Variants in DCC observed in about 807,000 individuals in gnomAD.
DCC encodes the protein netrin receptor DCC.
DCC carries 58 observed loss-of-function variants against 172.5 expected under a neutral mutation model. The observed-to-expected ratio is 0.34, with a 90% confidence interval of 0.27 to 0.42. DCC has a LOEUF of 0.42. Ranked by LOEUF, DCC falls within the 10% of genes least tolerant of loss-of-function variation. DCC has a pLI of 1.00. For synonymous variants in DCC, 709 were observed against 644.5 expected (o/e 1.10, Z -1.52); for missense variants, 1,740 against 1,791.0 (o/e 0.97, Z 0.51).
At chr18:52,550,087 A>G (rs1239876851) in intron 1 of DCC, among the ~76,000 whole-genome samples, 1 of 152,044 alleles carries the variant, frequency 6.6e-6, no homozygotes, top group Non-Finnish European at 1.5e-5. Context: ...GATAGTATGT[A>G]CCCTTTGTAG....
chr18:53,182,210 G>A (rs934395873), intron 9 of DCC, among the ~76,000 whole-genome samples: 2 of 152,188 alleles, frequency 1.3e-5, no homozygotes, highest in African/African-American at 4.8e-5. Flanking sequence ...TGAAAATGAA[G>A]AATCTCTCTG....
At chr18:52,404,524 C>G (rs1207842077) in intron 1 of DCC, among the ~76,000 whole-genome samples, 1 of 149,616 alleles carries the variant, frequency 6.7e-6, no homozygotes, top group African/African-American at 2.6e-5. Context: ...AGAAATCTTT[C>G]CAAGGACACA....
chr18:52,515,376 G>A (rs2031591608), intron 1 of DCC, among the ~76,000 whole-genome samples: 1 of 151,852 alleles, frequency 6.6e-6, no homozygotes, highest in Non-Finnish European at 1.5e-5. Context: ...GGGAGGCCCA[G>A]GCGGGTGGAT....
At chr18:52,637,766 TCCCCAG>T (rs2144893018) in intron 1 of DCC, among the ~76,000 whole-genome samples, 1 of 152,172 alleles carries the variant, frequency 6.6e-6, no homozygotes, top group African/African-American at 2.4e-5. Flanking sequence ...GAGGAAAACT[TCCCCAG>T]CCTTGCTAGA....
intron 1 of DCC, among the ~76,000 whole-genome samples, chr18:52,521,901 A>G (rs1217177542): frequency 6.6e-6 from 1 of 152,156 alleles, no homozygotes; most frequent in Non-Finnish European, 1.5e-5. Flanking sequence ...ATGGCACTCA[A>G]TAAATATTTG....
At chr18:53,307,070 C>T (rs1012499140) in intron 13 of DCC, among the ~76,000 whole-genome samples, 1 of 152,228 alleles carries the variant, frequency 6.6e-6, no homozygotes, top group Non-Finnish European at 1.5e-5. Flanking sequence ...AGCCTACACT[C>T]AGAGACTTGA....
intron 5 of DCC, among the ~76,000 whole-genome samples, chr18:53,041,467 C>G (rs1346970276): frequency 1.3e-5 from 2 of 151,954 alleles, no homozygotes; most frequent in African/African-American, 2.4e-5. Context: ...CAGCTTTGTT[C>G]TTTTTTCTTA....
At chr18:52,911,337 A>G (rs556389836) in intron 3 of DCC, among the ~76,000 whole-genome samples, 3 of 152,186 alleles carry the variant, frequency 2.0e-5, no homozygotes, top group South Asian at 4.1e-4. Flanking sequence ...TGCATAGATT[A>G]TTACTTTTAT....
chr18:52,855,434 C>T (rs1319325660), intron 2 of DCC, among the ~76,000 whole-genome samples: 1 of 152,142 alleles, frequency 6.6e-6, no homozygotes, highest in East Asian at 1.9e-4. Context: ...TTTTAAAATG[C>T]TGTTTTAATT....
intron 12 of DCC, among the ~76,000 whole-genome samples, chr18:53,230,471 T>C (rs933936613): frequency 3.9e-5 from 6 of 152,042 alleles, no homozygotes; most frequent in African/African-American, 1.4e-4. Flanking sequence ...ATAATGTGTA[T>C]AGTCTTGTGT....
chr18:53,130,516 A>C (rs1212644347), intron 7 of DCC, among the ~76,000 whole-genome samples: 1 of 152,094 alleles, frequency 6.6e-6, no homozygotes, highest in African/African-American at 2.4e-5. Context: ...TTTTAAGGTT[A>C]AGTTCTCCCC....
At chr18:52,472,870 G>A (rs371913427) in intron 1 of DCC, among the ~76,000 whole-genome samples, 2 of 152,134 alleles carry the variant, frequency 1.3e-5, no homozygotes, top group East Asian at 1.9e-4. Context: ...TTGTGCCACT[G>A]TACTCCAGCC....
At chr18:53,431,843 AAAAT>A (rs1911640500) in intron 21 of DCC, among the ~76,000 whole-genome samples, 1 of 152,162 alleles carries the variant, frequency 6.6e-6, no homozygotes, top group Admixed American at 6.5e-5. Flanking sequence ...TAAAAAGGAA[AAAAT>A]AAACTACTGA....
rs774643012 is a variant in DCC, at chr18:52,752,121, G to A, written c.159G>A (p.Arg53=). 1.9e-6 allele frequency: 3 copies of A among 1,614,062 alleles called. No individual in the cohort carries two copies. The highest frequency in any genetic ancestry group is 1.1e-5 in the South Asian group (1 of 91,082). ...AACCTTCTGATGCCGTCACAATGCG[G>A]GGAGGAAATGTCCTCCTCGACTGCT... ...LSEPSDAVTM[R]GGNVLLDCSA... The change falls in exon 2 of 29, where the codon CGG becomes CGA. Residue 53 remains arginine, a synonymous_variant. Transcript: ENST00000442544.
intron 1 of DCC, among the ~76,000 whole-genome samples, chr18:52,375,127 A>G (rs970151424): frequency 2.6e-5 from 4 of 152,100 alleles, no homozygotes; most frequent in Non-Finnish European, 5.9e-5. Context: ...ATGTGTTAGG[A>G]CTCTTATTAA....
intron 7 of DCC, among the ~76,000 whole-genome samples, chr18:53,151,672 T>C (rs931692722): frequency 1.3e-5 from 2 of 152,100 alleles, no homozygotes; most frequent in Admixed American, 1.3e-4. Flanking sequence ...TTTAATGAGA[T>C]TTTATGGAGT....
chr18:52,702,500 T>C (rs11875876), intron 1 of DCC, among the ~76,000 whole-genome samples: 54,867 of 152,062 alleles, frequency 0.36, 11,108 homozygotes, highest in Non-Finnish European at 0.46. Context: ...TTATGCCTTT[T>C]TCTTGACATG....
chr18:52,662,986 CA>C (rs1273603309), intron 1 of DCC, among the ~76,000 whole-genome samples: 2 of 152,074 alleles, frequency 1.3e-5, no homozygotes, highest in Non-Finnish European at 2.9e-5. Flanking sequence ...ACTAGGATTT[CA>C]AAATATGAAT....
intron 1 of DCC, among the ~76,000 whole-genome samples, chr18:52,469,118 C>T (rs768589829): frequency 1.1e-4 from 16 of 152,076 alleles, no homozygotes; most frequent in South Asian, 2.1e-4. Context: ...AGTGCAGTGG[C>T]GCGATCTCAG....
Sources: gnomAD v4.1 joint callset for allele counts (sites outside exome capture counted in the v4.1 genomes callset) on GRCh38, gnomAD v4.1.1 for gene constraint, MANE v1.5 for transcripts, NCBI Gene and HGNC (gene_info 2026-07-23, HGNC 2026-07-21) for gene names.